The following INSC variants were observed in gnomAD, a reference collection of about 807,000 sequenced individuals.
The protein encoded by INSC is protein inscuteable homolog.
INSC carries 67 observed loss-of-function variants against 58.6 expected under a neutral mutation model. The ratio of observed to expected loss-of-function variants is 1.14; its 90% confidence interval spans 0.94 to 1.40. INSC has a LOEUF of 1.40. INSC is among the 40% of genes most tolerant of loss of function. The probability of loss-of-function intolerance (pLI) is 0.00; values close to 1 mark genes in which losing one functional copy is unlikely to be tolerated. For synonymous variants in INSC, 262 were observed against 276.1 expected (o/e 0.95, Z 0.51); for missense variants, 714 against 692.0 (o/e 1.03, Z -0.36).
intron 9 of INSC, among the ~76,000 whole-genome samples, chr11:15,229,667 A>C (rs1278829463): frequency 6.6e-6 from 1 of 151,898 alleles, no homozygotes; most frequent in African/African-American, 2.4e-5. Flanking sequence ...GTTCTCTAAC[A>C]GAACCAGAGA....
intron 1 of INSC, among the ~76,000 whole-genome samples, chr11:15,126,993 C>T (rs759069213): frequency 5.3e-5 from 8 of 152,208 alleles, no homozygotes; most frequent in Non-Finnish European, 1.2e-4. Flanking sequence ...TTGGTGACAT[C>T]TCACTGGTGG....
intron 2 of INSC, among the ~76,000 whole-genome samples, chr11:15,168,864 T>G (rs1227994527): frequency 6.6e-6 from 1 of 152,186 alleles, no homozygotes; most frequent in East Asian, 1.9e-4. Context: ...TGTGTTGACC[T>G]TATGAAAATG....
the INSC span, among the ~76,000 whole-genome samples, chr11:15,266,133 A>T: frequency 6.6e-6 from 1 of 152,094 alleles, no homozygotes; most frequent in African/African-American, 2.4e-5. Context: ...GTGGAGAAGA[A>T]GTAATCTAAC....
intron 5 of INSC, among the ~76,000 whole-genome samples, chr11:15,182,058 G>T (rs939333361): frequency 7.9e-5 from 12 of 152,154 alleles, no homozygotes; most frequent in African/African-American, 2.9e-4. Context: ...CTTCAATAAT[G>T]GGAGGGGTTC....
chr11:15,178,014 A>G (rs917041456), intron 4 of INSC, among the ~76,000 whole-genome samples: 3 of 152,132 alleles, frequency 2.0e-5, no homozygotes, highest in Non-Finnish European at 4.4e-5. Flanking sequence ...AACATCACAG[A>G]GAAGATAGAC....
chr11:15,151,458 A>T (rs1848647172), intron 2 of INSC, among the ~76,000 whole-genome samples: 1 of 152,166 alleles, frequency 6.6e-6, no homozygotes, highest in Non-Finnish European at 1.5e-5. Flanking sequence ...CTCTGGTCTG[A>T]GTACCTCCCT....
chr11:15,233,872 T>C (rs556556098), intron 9 of INSC, among the ~76,000 whole-genome samples: 34 of 152,256 alleles, frequency 2.2e-4, no homozygotes, highest in African/African-American at 8.2e-4. Context: ...AGCCCAGAGA[T>C]AGCCAAACAA....
At position 15,176,025 on chromosome 11, in the gene INSC, C is replaced by T; in HGVS notation, c.341C>T (p.Ala114Val). 1 of 1,584,568 alleles carries T rather than the reference C, an allele frequency of 6.3e-7. No homozygotes were observed. Among genetic ancestry groups the T allele is most frequent in the South Asian group, 1.1e-5 (1 of 87,950 alleles). The change falls in exon 3 of 13, where the codon GCC (alanine) becomes GTC (valine). Residue 114 changes from alanine to valine, a missense_variant. Physicochemically the swap from Ala to Val is moderately conservative, Grantham distance 64. Transcript: ENST00000379556. ...ATGAGCGTGCGTCTGACCTGCCATGCCCGCTCCATGGTCAGCGAGTACAGT... is the reference window on the plus strand; with the variant it reads ...ATGAGCGTGCGTCTGACCTGCCATGTCCGCTCCATGGTCAGCGAGTACAGT... Reference protein sequence around the residue: ...HSMSVRLTCHARSMVSEYSAV... With the variant: ...HSMSVRLTCHVRSMVSEYSAV...
rs762481750 is a variant in INSC at position 15,176,052 on chromosome 11, C to T, written c.368C>T (p.Ala123Val). The change falls in exon 3 of 13, where the codon GCT becomes GTT. Residue 123 changes from alanine to valine, a missense_variant. Coordinates refer to ENST00000379556, the MANE Select transcript of INSC (RefSeq NM_001042536.3). ...CGCTCCATGGTCAGCGAGTACAGTG[C>T]TGTCAGCAGGAACTCCTTGAAGGAA... ...HARSMVSEYSAVSRNSLKEMG... is the reference protein window; with the variant it reads ...HARSMVSEYSVVSRNSLKEMG... The T allele has an allele frequency of 1.0e-5, 16 of 1,546,270 alleles. No homozygotes were observed. The highest frequency in any genetic ancestry group is 1.1e-5 in the Non-Finnish European group (12 of 1,137,076).
chr11:15,196,116 A>G (rs1012404432), intron 6 of INSC, among the ~76,000 whole-genome samples: 4 of 152,230 alleles, frequency 2.6e-5, no homozygotes, highest in Non-Finnish European at 5.9e-5. Context: ...GGAGTTGTTT[A>G]AAGATTTCAA....
intron 7 of INSC, 152 bp downstream of exon 7, chr11:15,201,101 G>C (rs1187563743): frequency 1.0e-6 from 1 of 954,430 alleles, no homozygotes; most frequent in Non-Finnish European, 1.5e-6. Context: ...GCTGGGACCT[G>C]GACTATGGGA....
At chr11:15,190,958 A>G (rs1850147679) in intron 6 of INSC, 144 bp downstream of exon 6, 2 of 566,394 alleles carry the variant, frequency 3.5e-6, no homozygotes, top group South Asian at 2.2e-5. Flanking sequence ...CACTTATCCT[A>G]TCTGGGACTT....
At chr11:15,228,089 AACTCTTGGTACAG>A (rs1851710833) in intron 9 of INSC, among the ~76,000 whole-genome samples, 1 of 152,232 alleles carries the variant, frequency 6.6e-6, no homozygotes, top group Non-Finnish European at 1.5e-5. Flanking sequence ...AATAAATATA[AACTCTTGGTACAG>A]ACTCTGGCAC....
At chr11:15,149,397 T>C (rs1364499069) in intron 2 of INSC, among the ~76,000 whole-genome samples, 167 bp downstream of exon 2, 1 of 152,122 alleles carries the variant, frequency 6.6e-6, no homozygotes, top group Non-Finnish European at 1.5e-5. Context: ...TCAGCAAATA[T>C]TAATGGAACT....
At chr11:15,119,247 G>A (rs1003452447) in intron 1 of INSC, among the ~76,000 whole-genome samples, 1 of 152,200 alleles carries the variant, frequency 6.6e-6, no homozygotes. Flanking sequence ...GGATTGAAGG[G>A]GTGGGAAAGG....
chr11:15,160,564 C>G (rs1848983429), intron 2 of INSC, among the ~76,000 whole-genome samples: 1 of 152,188 alleles, frequency 6.6e-6, no homozygotes, highest in South Asian at 2.1e-4. Flanking sequence ...TACAGATACA[C>G]ACACATACCA....
chr11:15,263,581 G>A, the INSC span, among the ~76,000 whole-genome samples: 10 of 152,078 alleles, frequency 6.6e-5, no homozygotes, highest in African/African-American at 1.7e-4. Flanking sequence ...TCAATGTATC[G>A]TACATTCATT....
Position 15,245,964 on chromosome 11 carries a change from A to T in INSC, c.1523A>T (p.Asp508Val). The part of the protein sequence containing the change: ...GVCPEGLQDS[D>V]FQQLVQPRLV... Reference sequence around the variant, plus strand: ...TGCCCTGAAGGCCTCCAGGACTCTGACTTTCAGCAGTTGGTCCAGCCTCGG... The same window carrying T: ...TGCCCTGAAGGCCTCCAGGACTCTGTCTTTCAGCAGTTGGTCCAGCCTCGG... The change falls in exon 13 of 13, where the codon GAC becomes GTC. Residue 508 changes from aspartate (D) to valine (V), a missense_variant. Coordinates refer to ENST00000379556, the MANE Select transcript of INSC (RefSeq NM_001042536.3). 6.2e-7 allele frequency: 1 copy of T among 1,614,168 alleles called. No homozygotes were observed. Among genetic ancestry groups the T allele is most frequent in the Non-Finnish European group, 8.5e-7 (1 of 1,180,018 alleles).
rs1849566239 is a variant in INSC, at chr11:15,176,102, A to T, written c.402+16A>T. The T allele has an allele frequency of 6.7e-7, 1 of 1,492,400 alleles. No individual in the cohort carries two copies. 92.4% of individuals were successfully genotyped at this position (1,492,400 alleles called of 1,614,324 possible). A position where few individuals can be genotyped will look rare whatever the true frequency, so the allele number is the denominator to read the frequency against. ...AATGGGCGAGGTCAGCTGCCCTGGG[A>T]TAGGAGTGGGCGGGAACTGGAAGTC... On this transcript the variant is annotated intron_variant, in intron 3 of 12. Transcript: ENST00000379556.
Sources: gnomAD v4.1 joint callset for allele counts (sites outside exome capture counted in the v4.1 genomes callset) on GRCh38, gnomAD v4.1.1 for gene constraint, MANE v1.5 for transcripts, NCBI Gene and HGNC (gene_info 2026-07-23, HGNC 2026-07-21) for gene names.